Variants in DIAPH3 observed in about 807,000 individuals in gnomAD.
The protein encoded by DIAPH3 is diaphanous related formin 3, also known as protein diaphanous homolog 3.
In DIAPH3, 117 loss-of-function variants were observed where a neutral mutation model predicts 144.3. The ratio of observed to expected loss-of-function variants is 0.81; its 90% CI spans 0.70 to 0.95. The LOEUF is 0.95. Among genes scored for constraint, DIAPH3 ranks in the 40% least tolerant of loss-of-function variants. DIAPH3 has a pLI of 0.00. For missense variants in DIAPH3, 1,421 were observed against 1,412.7 expected, an observed-to-expected ratio of 1.01 and a Z score of -0.09; for synonymous variants, 519 against 488.9, an observed-to-expected ratio of 1.06 and a Z score of -0.81.
At chr13:59,964,971 A>C (rs1334610117) in intron 17 of DIAPH3, among the ~76,000 whole-genome samples, 1 of 152,216 alleles carries the variant, frequency 6.6e-6, no homozygotes, top group Non-Finnish European at 1.5e-5. Flanking sequence ...CATTACAAAA[A>C]AACATATTTC....
chr13:59,802,566 G>T (rs369426354), intron 25 of DIAPH3, among the ~76,000 whole-genome samples: 3 of 135,292 alleles, frequency 2.2e-5, no homozygotes, highest in Non-Finnish European at 4.7e-5. Flanking sequence ...ACAAGGAAAA[G>T]TTTTTTTTTT....
intron 8 of DIAPH3, among the ~76,000 whole-genome samples, chr13:60,009,029 A>G (rs1358626959): frequency 2.6e-5 from 4 of 152,186 alleles, no homozygotes; most frequent in African/African-American, 4.8e-5. Flanking sequence ...CCAAGGTCTC[A>G]TATCTGTGAA....
chr13:60,125,860 C>T (rs1207741433), intron 2 of DIAPH3, among the ~76,000 whole-genome samples: 2 of 151,792 alleles, frequency 1.3e-5, no homozygotes, highest in Non-Finnish European at 1.5e-5. Context: ...AAGACTAGGA[C>T]TGATAGAAGA....
chr13:59,672,498 G>C (rs886110472), intron 27 of DIAPH3, among the ~76,000 whole-genome samples: 4 of 152,150 alleles, frequency 2.6e-5, no homozygotes, highest in African/African-American at 9.7e-5. Flanking sequence ...CTAAGTAGCT[G>C]TTTTGTTTCA....
rs2053123626 is a variant in DIAPH3 at position 60,009,765 on chromosome 13, A to T, written c.908+768T>A. Among the ~76,000 whole-genome samples, 6 of 152,190 alleles carry T rather than the reference A, an allele frequency of 3.9e-5. No individual in the cohort carries two copies. In the South Asian group the frequency reaches 1.2e-3, roughly 32 times the overall value. The stretch of plus-strand genomic sequence containing the variant: ...TCCCACCAACTCCAGCAGGACCTCC[A>T]CAAGGCTGATTTTCAAACGAACACA... On this transcript the variant is annotated intron_variant, in intron 8 of 27. Coordinates refer to ENST00000400324, the MANE Select transcript of DIAPH3 (RefSeq NM_001042517.2).
intron 5 of DIAPH3, among the ~76,000 whole-genome samples, chr13:60,031,377 C>T (rs1198891847): frequency 6.6e-6 from 1 of 152,146 alleles, no homozygotes; most frequent in Non-Finnish European, 1.5e-5. Context: ...TACAATTCAC[C>T]ATGAGATTTG....
chr13:59,707,843 T>C (rs549467553), intron 27 of DIAPH3, among the ~76,000 whole-genome samples: 33 of 152,202 alleles, frequency 2.2e-4, no homozygotes, highest in Middle Eastern at 3.4e-3. Context: ...GGCCAACTCC[T>C]CCTCTTGCAA....
chr13:59,850,247 C>G (rs933751377), intron 22 of DIAPH3, among the ~76,000 whole-genome samples: 2 of 151,556 alleles, frequency 1.3e-5, no homozygotes, highest in Non-Finnish European at 2.9e-5. Context: ...TCTAGATAAA[C>G]AATCATGTCG....
intron 23 of DIAPH3, among the ~76,000 whole-genome samples, chr13:59,834,955 A>ACAAGTGTT (rs1288152825): frequency 2.6e-5 from 4 of 151,712 alleles, no homozygotes; most frequent in Non-Finnish European, 5.9e-5. Context: ...GCATTGAACC[A>ACAAGTGTT]CAAGTGTTAA....
rs1035189181 is a variant in DIAPH3, at chr13:59,796,736, AG to A, written c.3163+14051del. The stretch of plus-strand genomic sequence containing the variant: ...TAAACTAAATTCATCCTATAACCAA[AG>A]GGGGGAAAAAAACCATACTGTATAA... On this transcript the variant is annotated intron_variant, in intron 25 of 27. Coordinates refer to ENST00000400324, the MANE Select transcript of DIAPH3 (RefSeq NM_001042517.2). Among the ~76,000 whole-genome samples the A allele has an allele frequency of 4.6e-5, 7 of 152,302 alleles. No individual in the cohort carries two copies. In the East Asian group the frequency reaches 7.7e-4, roughly 17 times the overall value.
chr13:59,918,974 T>C (rs988964919), intron 18 of DIAPH3, among the ~76,000 whole-genome samples: 11 of 149,956 alleles, frequency 7.3e-5, no homozygotes, highest in African/African-American at 2.2e-4. Context: ...CAGTATTTTT[T>C]AACAAAGAAA....
At chr13:60,023,076 C>T (rs1412310595) in intron 5 of DIAPH3, among the ~76,000 whole-genome samples, 1 of 152,152 alleles carries the variant, frequency 6.6e-6, no homozygotes, top group African/African-American at 2.4e-5. Flanking sequence ...AAATTAATTG[C>T]TGTCTGCTCT....
At chr13:59,966,552 T>G (rs751128336) in intron 17 of DIAPH3, among the ~76,000 whole-genome samples, 1 of 152,208 alleles carries the variant, frequency 6.6e-6, no homozygotes, top group Non-Finnish European at 1.5e-5. Flanking sequence ...CTAAGTGTAT[T>G]AGACCTGTAA....
intron 23 of DIAPH3, among the ~76,000 whole-genome samples, chr13:59,834,479 G>C (rs967031213): frequency 1.3e-5 from 2 of 151,452 alleles, no homozygotes; most frequent in African/African-American, 4.8e-5. Context: ...ATTTCAAAAA[G>C]ATATGGTTCT....
chr13:59,696,420 C>T lies in DIAPH3; in HGVS notation c.3320-29574G>A, dbSNP rs567234289. On this transcript the variant is annotated intron_variant, in intron 27 of 27. Coordinates refer to ENST00000400324, the MANE Select transcript of DIAPH3 (RefSeq NM_001042517.2). ...TTTCTTGGAGACAATGCCATGTTCTCTTACATCACAAACCTGTTACCATGA... is the reference window on the plus strand; with the variant it reads ...TTTCTTGGAGACAATGCCATGTTCTTTTACATCACAAACCTGTTACCATGA... 3.9e-5 allele frequency among the ~76,000 whole-genome samples: 6 copies of T among 152,330 alleles called. No homozygotes were observed. The South Asian group carries it at 1.0e-3, about 26-fold the overall frequency.
At chr13:60,037,986 C>T (rs983781420) in intron 5 of DIAPH3, among the ~76,000 whole-genome samples, 1 of 151,956 alleles carries the variant, frequency 6.6e-6, no homozygotes, top group African/African-American at 2.4e-5. Flanking sequence ...TGGAAGATGA[C>T]TGGTTAACAT....
chr13:60,014,177 T>C (rs1039239590), intron 7 of DIAPH3, among the ~76,000 whole-genome samples: 1 of 152,158 alleles, frequency 6.6e-6, no homozygotes, highest in African/African-American at 2.4e-5. Context: ...AAAAAGTTCC[T>C]AGATTTTTTC....
chr13:59,783,455 C>T (rs1289145849), intron 25 of DIAPH3, among the ~76,000 whole-genome samples: 5 of 152,132 alleles, frequency 3.3e-5, no homozygotes, highest in Admixed American at 1.3e-4. Context: ...TGATTCAAGG[C>T]TTCTAGAGGG....
rs1343023390 is a variant in DIAPH3 at position 59,966,062 on chromosome 13, T to C, written c.2074+3882A>G. Among the ~76,000 whole-genome samples the C allele has an allele frequency of 3.3e-5, 5 of 152,126 alleles. No individual in the cohort carries two copies. The East Asian group carries it at 7.7e-4, about 24-fold the overall frequency. On this transcript the variant is annotated intron_variant, in intron 17 of 27. Coordinates refer to ENST00000400324, the MANE Select transcript of DIAPH3 (RefSeq NM_001042517.2). ...TTACAACAGAGAGAATCAAGAAAAC[T>C]GAAGTGAGCTACTTAACAGCAAAAT...
Sources: gnomAD v4.1 joint callset for allele counts (sites outside exome capture counted in the v4.1 genomes callset) on GRCh38, gnomAD v4.1.1 for gene constraint, MANE v1.5 for transcripts, NCBI Gene and HGNC (gene_info 2026-07-23, HGNC 2026-07-21) for gene names.